Variants in PCDHGA2 observed in about 807,000 individuals in gnomAD.
The protein encoded by PCDHGA2 is protocadherin gamma-A2.
Under a neutral mutation model 59.2 loss-of-function variants are expected in PCDHGA2, and 40 were observed. The ratio of observed to expected loss-of-function variants is 0.68; its 90% CI spans 0.52 to 0.88. The LOEUF (loss-of-function observed/expected upper bound fraction) is 0.88, where lower values mean the gene tolerates loss of function less well. Among genes scored for constraint, PCDHGA2 ranks in the 40% least tolerant of loss-of-function variants. PCDHGA2 has a pLI of 0.00. For missense variants in PCDHGA2, 1,226 were observed against 1,204.0 expected (o/e 1.02, Z -0.27); for synonymous variants, 560 against 526.0 (o/e 1.06, Z -0.89).
intron 1 of PCDHGA2, chr5:141,362,301 T>C: frequency 6.2e-7 from 1 of 1,614,082 alleles, no homozygotes; most frequent in South Asian, 1.1e-5. Context: ...CCAGGTCAGA[T>C]GCTTGGGACT....
chr5:141,505,546 C>T (rs555460173), intron 3 of PCDHGA2, 65 bp downstream of exon 3: 36 of 1,608,242 alleles, frequency 2.2e-5, no homozygotes, highest in South Asian at 7.7e-5. Context: ...CATCTCACAG[C>T]CACCATGCCC....
chr5:141,464,970 G>A (rs550643230), intron 1 of PCDHGA2, among the ~76,000 whole-genome samples: 1 of 152,028 alleles, frequency 6.6e-6, no homozygotes, highest in East Asian at 1.9e-4. Flanking sequence ...TTGAACTACT[G>A]GCTTCAAGTG....
Position 141,486,791 on chromosome 5 carries a change from C to G in PCDHGA2, c.2425-8016C>G. On this transcript the variant is annotated intron_variant, in intron 1 of 3. Coordinates refer to ENST00000394576, the MANE Select transcript of PCDHGA2 (RefSeq NM_018915.4). The surrounding 1 kb of genome is among the most constrained non-coding windows in gnomAD (Gnocchi z 5.0). ...GCAGTTTGAGGTGCAGGCCCGGGAT[C>G]GGGGCAACCCACCCCTTAGCAGCAC... The G allele has an allele frequency of 1.9e-6, 3 of 1,614,224 alleles. No individual in the cohort carries two copies. The highest frequency in any genetic ancestry group is 2.5e-6 in the Non-Finnish European group (3 of 1,180,046).
In PCDHGA2 at chr5:141,485,972, T is replaced by G; in HGVS notation, c.2425-8835T>G. ...CATGGTGCTCATCCAGCTCAATGCC[T>G]CAGACCCGGACCTGGGTCCCAGTGG... On this transcript the variant is annotated intron_variant, in intron 1 of 3. Transcript: ENST00000394576. The surrounding 1 kb of genome is among the most constrained non-coding windows in gnomAD (Gnocchi z 5.7). 1 of 1,614,184 alleles carries G rather than the reference T, an allele frequency of 6.2e-7. No individual in the cohort carries two copies. Among genetic ancestry groups the G allele is most frequent in the Non-Finnish European group, 8.5e-7 (1 of 1,180,022 alleles).
At chr5:141,433,123 C>T (rs575738328) in intron 1 of PCDHGA2, 5 of 1,614,116 alleles carry the variant, frequency 3.1e-6, no homozygotes, top group African/African-American at 2.7e-5. Context: ...TTGAAAAAAG[C>T]GAGCCCCTTT....
chr5:141,423,225 C>G (rs763729316), intron 1 of PCDHGA2: 3 of 1,613,686 alleles, frequency 1.9e-6, no homozygotes, highest in Admixed American at 1.7e-5. Context: ...TGGCTGTGGC[C>G]GACAGCATCC....
chr5:141,455,162 T>G (rs1002208156), intron 1 of PCDHGA2, among the ~76,000 whole-genome samples: 5 of 150,972 alleles, frequency 3.3e-5, no homozygotes, highest in African/African-American at 7.3e-5. Context: ...GTTTGTTGGT[T>G]TTTTTTTTAG....
In PCDHGA2 at chr5:141,487,801, A is replaced by G. The variant is rs895741843; in HGVS notation, c.2425-7006A>G. The G allele has an allele frequency of 1.0e-5, 15 of 1,479,820 alleles. No individual in the cohort carries two copies. The highest frequency in any genetic ancestry group is 2.7e-6 in the Non-Finnish European group (3 of 1,095,672). The allele number at this position is 1,479,820 out of a possible 1,614,324, so 91.7% of individuals were successfully genotyped here. On this transcript the variant is annotated intron_variant, in intron 1 of 3. Coordinates refer to ENST00000394576, the MANE Select transcript of PCDHGA2 (RefSeq NM_018915.4). The surrounding 1 kb of genome is among the most constrained non-coding windows in gnomAD (Gnocchi z 5.0). ...GTTTCGTGAATTAACCAGAGTTGTC[A>G]CAGTTTAGCATTGGGGGCGGGTCAT... is the stretch of plus-strand genomic sequence containing the variant.
intron 1 of PCDHGA2, chr5:141,362,082 A>G: frequency 1.2e-6 from 2 of 1,612,988 alleles, no homozygotes; most frequent in Non-Finnish European, 1.7e-6. Context: ...TGCGTGATGG[A>G]GGACAGCCGC....
At chr5:141,413,342 TG>T in intron 1 of PCDHGA2, 1 of 1,613,974 alleles carries the variant, frequency 6.2e-7, no homozygotes, top group South Asian at 1.1e-5. Flanking sequence ...TCCAAGGACT[TG>T]GGTCTGGCGC....
intron 1 of PCDHGA2, chr5:141,388,909 C>A: frequency 1.2e-6 from 2 of 1,613,902 alleles, no homozygotes; most frequent in South Asian, 1.1e-5. Context: ...AATGACAACG[C>A]CCCAGAAGTG....
intron 1 of PCDHGA2, chr5:141,403,454 C>T: frequency 6.2e-7 from 1 of 1,614,054 alleles, no homozygotes; most frequent in Non-Finnish European, 8.5e-7. Context: ...GAACTCCCTC[C>T]AGAGCTACCA....
chr5:141,361,652 C>T (rs1226356152), intron 1 of PCDHGA2: 16 of 1,613,788 alleles, frequency 9.9e-6, no homozygotes, highest in East Asian at 2.2e-5. Context: ...TCCTACGTGT[C>T]CGTGAGCGCG....
At chr5:141,344,330 C>T (rs1203905820) in intron 1 of PCDHGA2, 21 of 1,613,830 alleles carry the variant, frequency 1.3e-5, no homozygotes, top group Non-Finnish European at 1.8e-5. Context: ...GCGCTCAGAT[C>T]CCGCTGTGTC....
intron 1 of PCDHGA2, chr5:141,384,578 C>T: frequency 5.0e-6 from 8 of 1,614,256 alleles, no homozygotes; most frequent in Non-Finnish European, 6.8e-6. Flanking sequence ...GACAACCCGC[C>T]CGAGATCCTG....
chr5:141,394,362 C>T, intron 1 of PCDHGA2: 1 of 1,614,174 alleles, frequency 6.2e-7, no homozygotes, highest in Non-Finnish European at 8.5e-7. Flanking sequence ...CCTGTATGCG[C>T]TGCAATCTTT....
At chr5:141,452,879 A>C (rs1389712789) in intron 1 of PCDHGA2, among the ~76,000 whole-genome samples, 1 of 152,200 alleles carries the variant, frequency 6.6e-6, no homozygotes, top group Admixed American at 6.5e-5. Context: ...CATTTGTAAT[A>C]ATTTATTCCA....
intron 1 of PCDHGA2, chr5:141,352,488 C>A: frequency 6.2e-7 from 1 of 1,614,022 alleles, no homozygotes; most frequent in East Asian, 2.2e-5. Context: ...AGCGAGGGGA[C>A]TTTGCCCTAT....
intron 1 of PCDHGA2, chr5:141,350,672 G>C: frequency 6.2e-7 from 1 of 1,614,014 alleles, no homozygotes; most frequent in Non-Finnish European, 8.5e-7. Flanking sequence ...CATTGACTTA[G>C]AAATTTGTGA....
Sources: gnomAD v4.1 joint callset for allele counts (sites outside exome capture counted in the v4.1 genomes callset) on GRCh38, gnomAD v4.1.1 for gene constraint, Gnocchi (gnomAD v3.1) non-coding constraint, MANE v1.5 for transcripts, NCBI Gene and HGNC (gene_info 2026-07-23, HGNC 2026-07-21) for gene names.